The following XYLT1 variants were observed in gnomAD, a reference collection of about 807,000 sequenced individuals.
The protein encoded by XYLT1 is xylosyltransferase 1.
Under a neutral mutation model 91.3 loss-of-function variants are expected in XYLT1, and 36 were observed. The ratio of observed to expected loss-of-function variants is 0.39; its 90% CI spans 0.30 to 0.52. The LOEUF (loss-of-function observed/expected upper bound fraction) is 0.52. XYLT1 is among the 20% of genes least tolerant of loss of function. The pLI is 0.68. For synonymous variants in XYLT1, 588 were observed against 532.0 expected, an observed-to-expected ratio of 1.11 and a Z score of -1.45; for missense variants, 1,242 against 1,284.5, an observed-to-expected ratio of 0.97 and a Z score of 0.51.
chr16:17,330,501 G>C (rs2141837856), intron 2 of XYLT1, among the ~76,000 whole-genome samples: 1 of 152,090 alleles, frequency 6.6e-6, no homozygotes, highest in African/African-American at 2.4e-5. Flanking sequence ...AAATGTCCCT[G>C]CTGGGCCAGG....
At chr16:17,263,939 C>T (rs1345601857) in intron 2 of XYLT1, among the ~76,000 whole-genome samples, 1 of 152,082 alleles carries the variant, frequency 6.6e-6, no homozygotes, top group Non-Finnish European at 1.5e-5. Flanking sequence ...GAACTCCTGA[C>T]CTCAGGTGAT....
chr16:17,130,110 C>CGCCAGTTG (rs1282684736), intron 9 of XYLT1, among the ~76,000 whole-genome samples: 2 of 152,202 alleles, frequency 1.3e-5, no homozygotes, highest in African/African-American at 4.8e-5. Flanking sequence ...AGCAGAGCTA[C>CGCCAGTTG]GCCAGTTGTC....
chr16:17,257,857 A>G (rs1289530349), intron 3 of XYLT1, among the ~76,000 whole-genome samples: 1 of 152,226 alleles, frequency 6.6e-6, no homozygotes, highest in Non-Finnish European at 1.5e-5. Flanking sequence ...GGTGTCTAGC[A>G]CACAGCGAAG....
intron 2 of XYLT1, among the ~76,000 whole-genome samples, chr16:17,337,711 C>T (rs576397256): frequency 1.2e-4 from 19 of 152,166 alleles, no homozygotes; most frequent in Admixed American, 9.8e-4. Flanking sequence ...TCCAAACTTG[C>T]CCTATTCACA....
intron 3 of XYLT1, among the ~76,000 whole-genome samples, chr16:17,219,605 T>G (rs2032928624): frequency 6.6e-6 from 1 of 152,154 alleles, no homozygotes; most frequent in African/African-American, 2.4e-5. Context: ...CTTGGAAACT[T>G]CATTTAAGCC....
At chr16:17,382,899 A>G (rs575734965) in intron 1 of XYLT1, among the ~76,000 whole-genome samples, 1 of 152,012 alleles carries the variant, frequency 6.6e-6, no homozygotes, top group South Asian at 2.1e-4. Flanking sequence ...AGAGAAATGA[A>G]GCAACATACT....
intron 5 of XYLT1, among the ~76,000 whole-genome samples, chr16:17,178,316 C>T (rs2031988806): frequency 6.6e-6 from 1 of 152,008 alleles, no homozygotes; most frequent in Admixed American, 6.6e-5. Context: ...GTTCAGCTAC[C>T]CAGGACTGGG....
At position 17,342,323 on chromosome 16, in the gene XYLT1, A is replaced by C. The variant is rs532681234; in HGVS notation, c.402+15689T>G. Among the ~76,000 whole-genome samples, 10 of 152,242 alleles carry C rather than the reference A, an allele frequency of 6.6e-5. No homozygotes were observed. In the South Asian group the frequency reaches 2.1e-3, roughly 32 times the overall value. On this transcript the variant is annotated intron_variant, in intron 2 of 11. Transcript: ENST00000261381. ...AACACTGCTGCATGGAATTGTCTCC[A>C]CCAAAGGAAAAGGGCAACCTATCTC...
At chr16:17,349,174 A>G (rs1044694268) in intron 2 of XYLT1, among the ~76,000 whole-genome samples, 1 of 152,240 alleles carries the variant, frequency 6.6e-6, no homozygotes, top group African/African-American at 2.4e-5. Context: ...TACTCATCCT[A>G]GAATCCACTC....
chr16:17,316,883 G>A lies in XYLT1; in HGVS notation c.402+41129C>T, dbSNP rs574204869. On this transcript the variant is annotated intron_variant, in intron 2 of 11. Coordinates refer to ENST00000261381, the MANE Select transcript of XYLT1 (RefSeq NM_022166.4). ...GTCGCCCAGGCTGGAGTGCAGTGGC[G>A]CAATCTCGGCTCACTGCAGGCTCCG... Among the ~76,000 whole-genome samples the A allele has an allele frequency of 1.7e-4, 26 of 148,790 alleles. No individual in the cohort carries two copies. In the South Asian group the frequency reaches 4.9e-3, roughly 28 times the overall value.
At chr16:17,349,613 T>C (rs1291349745) in intron 2 of XYLT1, among the ~76,000 whole-genome samples, 1 of 151,682 alleles carries the variant, frequency 6.6e-6, no homozygotes. Context: ...CTTTGCTACC[T>C]GTTGGGCAAG....
intron 2 of XYLT1, among the ~76,000 whole-genome samples, chr16:17,333,202 T>C (rs192608254): frequency 2.9e-3 from 437 of 152,334 alleles, no homozygotes; most frequent in Non-Finnish European, 5.0e-3. Context: ...CTTCAAATTT[T>C]CTAGTAGCTG....
intron 1 of XYLT1, among the ~76,000 whole-genome samples, chr16:17,457,921 A>G (rs546478324): frequency 6.6e-6 from 1 of 152,352 alleles, no homozygotes; most frequent in East Asian, 1.9e-4. Flanking sequence ...TTTCAAAAGG[A>G]AAAAAGAAGA....
intron 1 of XYLT1, among the ~76,000 whole-genome samples, chr16:17,469,103 C>T (rs1471967712): frequency 6.6e-6 from 1 of 152,222 alleles, no homozygotes; most frequent in Non-Finnish European, 1.5e-5. Context: ...CATCACATCA[C>T]GTCTTGGGAC....
chr16:17,146,942 C>G (rs2031149167), intron 6 of XYLT1, among the ~76,000 whole-genome samples: 2 of 152,190 alleles, frequency 1.3e-5, no homozygotes, highest in African/African-American at 2.4e-5. Context: ...AAAATCTGAG[C>G]TCATTAGCAA....
rs1485490054 is a variant in XYLT1 at position 17,470,625 on chromosome 16, G to A, written c.172C>T (p.Pro58Ser). Residue 58 changes from proline (P) to serine (S), a missense_variant, in exon 1 of 12, where the codon CCC becomes TCC. By Grantham distance (74) the Pro-to-Ser change is moderately conservative. Around this residue, in one of 3 missense-constraint regions of XYLT1, gnomAD observed 437 missense variants for 411.5 expected, o/e 1.06. Transcript: ENST00000261381. Reference sequence around the variant, plus strand: ...TCCCGGCGCGGGGCCGGGGCCGGGGGCGGCTGCTCCCCGCCGCCGACCGCT... The same window carrying A: ...TCCCGGCGCGGGGCCGGGGCCGGGGACGGCTGCTCCCCGCCGCCGACCGCT... ...GAAVGGGEQP[P>S]PAPAPRRERR... 5 of 1,110,932 alleles carry A rather than the reference G, an allele frequency of 4.5e-6. No homozygotes were observed. The highest frequency in any genetic ancestry group is 5.5e-6 in the Non-Finnish European group (5 of 914,054). The allele number at this position is 1,110,932 out of a possible 1,614,324, so 68.8% of individuals were successfully genotyped here. A position where few individuals can be genotyped will look rare whatever the true frequency, so the allele number is the denominator to read the frequency against.
intron 1 of XYLT1, among the ~76,000 whole-genome samples, chr16:17,378,550 G>A (rs1456147334): frequency 6.6e-6 from 1 of 152,166 alleles, no homozygotes; most frequent in Non-Finnish European, 1.5e-5. Context: ...TCTAATTGAG[G>A]TAATTTCTAG....
chr16:17,199,932 G>C (rs1479357216), intron 4 of XYLT1, among the ~76,000 whole-genome samples: 1 of 151,968 alleles, frequency 6.6e-6, no homozygotes, highest in Non-Finnish European at 1.5e-5. Flanking sequence ...GTAAGAAACA[G>C]CATTTAGGGG....
chr16:17,231,949 A>G (rs1426258971), intron 3 of XYLT1, among the ~76,000 whole-genome samples: 1 of 151,466 alleles, frequency 6.6e-6, no homozygotes, highest in Non-Finnish European at 1.5e-5. Context: ...CTCAATTTAT[A>G]AAAAAATAAA....
Sources: gnomAD v4.1 joint callset for allele counts (sites outside exome capture counted in the v4.1 genomes callset) on GRCh38, gnomAD v4.1.1 for gene constraint, gnomAD v4.1.1 regional missense constraint, MANE v1.5 for transcripts, NCBI Gene and HGNC (gene_info 2026-07-23, HGNC 2026-07-21) for gene names.